The following PXDNL variants were observed in gnomAD, a reference collection of about 807,000 sequenced individuals.
PXDNL encodes probable oxidoreductase PXDNL.
PXDNL carries 145 observed loss-of-function variants against 150.8 expected under a neutral mutation model. The observed-to-expected ratio is 0.96, with a 90% CI of 0.84 to 1.10. PXDNL has a LOEUF of 1.10. PXDNL is among the 50% of genes least tolerant of loss of function. The pLI is 0.00. For missense variants in PXDNL, 2,087 were observed against 1,873.9 expected (o/e 1.11, Z -2.10); for synonymous variants, 757 against 725.7 (o/e 1.04, Z -0.69).
chr8:51,776,662 T>C (rs71513552), intron 1 of PXDNL, among the ~76,000 whole-genome samples: 27,447 of 151,934 alleles, frequency 0.18, 2,872 homozygotes, highest in Non-Finnish European at 0.23. Context: ...AAGAATACTG[T>C]TAAGTTGTAT....
intron 8 of PXDNL, among the ~76,000 whole-genome samples, chr8:51,460,530 A>G (rs1810051963): frequency 6.7e-6 from 1 of 148,258 alleles, no homozygotes; most frequent in African/African-American, 2.5e-5. Flanking sequence ...TTTTGAGGGA[A>G]AACACTGAGA....
intron 17 of PXDNL, among the ~76,000 whole-genome samples, chr8:51,377,723 G>C (rs1194135632): frequency 2.6e-5 from 4 of 152,204 alleles, no homozygotes; most frequent in Non-Finnish European, 5.9e-5. Context: ...CGCTGCGCTC[G>C]AATTCTCGTG....
intron 1 of PXDNL, among the ~76,000 whole-genome samples, chr8:51,696,737 CCACACACAT>C (rs1563510075): frequency 1.2e-5 from 1 of 85,514 alleles, no homozygotes; most frequent in African/African-American, 5.2e-5. Context: ...ACACACAGGT[CCACACACAT>C]ACCCACCCAC....
intron 4 of PXDNL, among the ~76,000 whole-genome samples, chr8:51,550,167 T>G (rs961028246): frequency 5.3e-5 from 8 of 152,070 alleles, no homozygotes; most frequent in Admixed American, 4.6e-4. Context: ...CAATAACAAG[T>G]AGTGAGATTG....
At chr8:51,675,605 C>A (rs1408224480) in intron 1 of PXDNL, among the ~76,000 whole-genome samples, 1 of 151,846 alleles carries the variant, frequency 6.6e-6, no homozygotes, top group East Asian at 1.9e-4. Context: ...CCAGCCTGAC[C>A]AATATGGTGA....
At chr8:51,613,893 C>T (rs1814074558) in intron 2 of PXDNL, among the ~76,000 whole-genome samples, 1 of 152,156 alleles carries the variant, frequency 6.6e-6, no homozygotes, top group Non-Finnish European at 1.5e-5. Context: ...CTCAACCTAA[C>T]CATCATCCAA....
intron 3 of PXDNL, among the ~76,000 whole-genome samples, chr8:51,590,583 A>G (rs1374922503): frequency 1.3e-5 from 2 of 152,220 alleles, no homozygotes; most frequent in Admixed American, 6.5e-5. Flanking sequence ...GTGGAAGTCT[A>G]AGGTTTAACA....
rs1812481612 is a variant in PXDNL at position 51,551,448 on chromosome 8, A to T, written c.380+5392T>A. ...ATACTACAAGGCTATAAATACCAAAACGGCATGGTACTACTGGTATAAAAA... is the reference window on the plus strand; with the variant it reads ...ATACTACAAGGCTATAAATACCAAATCGGCATGGTACTACTGGTATAAAAA... On this transcript the variant is annotated intron_variant, in intron 4 of 22. Coordinates refer to ENST00000356297, the MANE Select transcript of PXDNL (RefSeq NM_144651.5). Among the ~76,000 whole-genome samples, 3 of 152,192 alleles carry T rather than the reference A, an allele frequency of 2.0e-5. No individual in the cohort carries two copies. In the South Asian group the frequency reaches 6.2e-4, roughly 32 times the overall value.
At chr8:51,519,170 G>A (rs1271320924) in intron 4 of PXDNL, among the ~76,000 whole-genome samples, 5 of 152,154 alleles carry the variant, frequency 3.3e-5, no homozygotes, top group Non-Finnish European at 7.4e-5. Context: ...AAAAATTAAA[G>A]TAAGATAAAA....
At chr8:51,806,280 A>C (rs749533599) in intron 1 of PXDNL, among the ~76,000 whole-genome samples, 2 of 152,352 alleles carry the variant, frequency 1.3e-5, no homozygotes, top group South Asian at 4.1e-4. Context: ...ACTACTACTA[A>C]TAAGCATTTA....
chr8:51,408,611 C>G lies in PXDNL; in HGVS notation c.3013G>C (p.Val1005Leu). The G allele has an allele frequency of 3.1e-6, 5 of 1,611,026 alleles. No homozygotes were observed. Among genetic ancestry groups the G allele is most frequent in the Non-Finnish European group, 3.4e-6 (4 of 1,178,706 alleles). Residue 1005 changes from valine (V) to leucine (L), a missense_variant, in exon 17 of 23, where the codon GTG (valine) becomes CTG (leucine). Val to Leu is a conservative substitution (Grantham distance 32, BLOSUM62 1). Transcript: ENST00000356297. ...NTVYQEARKI[V>L]GAELQHITYS... ...GTGATGTGCTGCAGCTCCGCGCCCA[C>G]GATCTTCCTGGCTTCCTGGTAAACC...
chr8:51,694,206 C>CA (rs1489083446), intron 1 of PXDNL, among the ~76,000 whole-genome samples: 3 of 152,028 alleles, frequency 2.0e-5, no homozygotes, highest in African/African-American at 7.2e-5. Flanking sequence ...AAACAAAATA[C>CA]AAAAATTAGC....
chr8:51,736,445 G>A (rs1817040044), intron 1 of PXDNL, among the ~76,000 whole-genome samples: 1 of 152,210 alleles, frequency 6.6e-6, no homozygotes, highest in South Asian at 2.1e-4. Context: ...CTGACTCCAA[G>A]TAGCTGTAAA....
intron 3 of PXDNL, among the ~76,000 whole-genome samples, chr8:51,577,928 AAAGAAAGAAAG>A (rs1326157676): frequency 1.2e-4 from 4 of 32,882 alleles, no homozygotes; most frequent in Admixed American, 1.1e-3. Flanking sequence ...GAAAGAAAAG[AAAGAAAGAAAG>A]AAAGAAAGAA....
At chr8:51,591,734 T>C (rs889198797) in intron 3 of PXDNL, among the ~76,000 whole-genome samples, 3 of 152,022 alleles carry the variant, frequency 2.0e-5, no homozygotes, top group Non-Finnish European at 4.4e-5. Context: ...TTCTCCTGCC[T>C]CAGCCTCCCG....
At chr8:51,550,040 G>A (rs1223248871) in intron 4 of PXDNL, among the ~76,000 whole-genome samples, 1 of 152,044 alleles carries the variant, frequency 6.6e-6, no homozygotes, top group East Asian at 1.9e-4. Flanking sequence ...ATCACTTGAG[G>A]CTACTATGAG....
At chr8:51,424,135 G>T (rs1248656141) in intron 13 of PXDNL, among the ~76,000 whole-genome samples, 1 of 152,166 alleles carries the variant, frequency 6.6e-6, no homozygotes, top group African/African-American at 2.4e-5. Flanking sequence ...GGCTGAGGCA[G>T]GAGGATCACT....
chr8:51,387,975 TA>T (rs1346404199), intron 17 of PXDNL, among the ~76,000 whole-genome samples: 1 of 152,166 alleles, frequency 6.6e-6, no homozygotes, highest in African/African-American at 2.4e-5. Flanking sequence ...TTATTCCCTG[TA>T]AAAAATGACT....
intron 5 of PXDNL, among the ~76,000 whole-genome samples, chr8:51,492,285 C>G (rs886859590): frequency 3.3e-5 from 5 of 152,076 alleles, no homozygotes; most frequent in African/African-American, 1.2e-4. Context: ...CAGCTAGATA[C>G]AGTAAATTTA....
Sources: gnomAD v4.1 joint callset for allele counts (sites outside exome capture counted in the v4.1 genomes callset) on GRCh38, gnomAD v4.1.1 for gene constraint, MANE v1.5 for transcripts, NCBI Gene and HGNC (gene_info 2026-07-23, HGNC 2026-07-21) for gene names.